The following MAGI3 variants were observed in gnomAD, a reference collection of about 807,000 sequenced individuals.
MAGI3 encodes membrane-associated guanylate kinase, WW and PDZ domain-containing protein 3.
A neutral mutation model predicts 121.8 loss-of-function variants in MAGI3; 43 were observed. The observed-to-expected ratio is 0.35, with a 90% CI of 0.28 to 0.46. The LOEUF (loss-of-function observed/expected upper bound fraction) is 0.46, where lower values mean the gene tolerates loss of function less well. Among genes scored for constraint, MAGI3 ranks in the 20% least tolerant of loss-of-function variants. The pLI is 1.00. For synonymous variants in MAGI3, 553 were observed against 639.3 expected (o/e 0.86, Z 2.04); for missense variants, 1,547 against 1,797.3 (o/e 0.86, Z 2.52).
chr1:113,429,375 G>A (rs138809974), intron 1 of MAGI3, among the ~76,000 whole-genome samples: 16 of 152,368 alleles, frequency 1.1e-4, no homozygotes, highest in Non-Finnish European at 1.9e-4. Context: ...ACGAAAGCAT[G>A]TAGTTATTGA....
chr1:113,406,950 A>G (rs1651715021), intron 1 of MAGI3, among the ~76,000 whole-genome samples: 1 of 152,124 alleles, frequency 6.6e-6, no homozygotes. Context: ...AAAATTTTTT[A>G]CTCAGAGAGA....
At chr1:113,490,563 T>A (rs1371077519) in intron 1 of MAGI3, among the ~76,000 whole-genome samples, 1 of 152,152 alleles carries the variant, frequency 6.6e-6, no homozygotes, top group East Asian at 1.9e-4. Flanking sequence ...AATGCCCCAA[T>A]TAAAAGGCAG....
chr1:113,416,398 T>C (rs1252421954), intron 1 of MAGI3, among the ~76,000 whole-genome samples: 1 of 102,204 alleles, frequency 9.8e-6, no homozygotes, highest in African/African-American at 3.9e-5. Flanking sequence ...ATATTAATTA[T>C]TAATTAATTA....
intron 2 of MAGI3, among the ~76,000 whole-genome samples, chr1:113,562,727 CTAA>C (rs1430360707): frequency 1.2e-4 from 19 of 152,124 alleles, no homozygotes; most frequent in Non-Finnish European, 1.6e-4. Flanking sequence ...GTAAGAATAG[CTAA>C]TGAATGCTGG....
chr1:113,559,030 G>T (rs910694079), intron 2 of MAGI3, among the ~76,000 whole-genome samples: 1 of 152,140 alleles, frequency 6.6e-6, no homozygotes, highest in African/African-American at 2.4e-5. Flanking sequence ...GACCTGCCTT[G>T]CAAAAGCACC....
intron 1 of MAGI3, among the ~76,000 whole-genome samples, chr1:113,419,612 A>G (rs1025576482): frequency 2.0e-5 from 3 of 150,304 alleles, no homozygotes; most frequent in African/African-American, 7.3e-5. Flanking sequence ...GAAAAAAGAA[A>G]GATTGGGAAT....
chr1:113,587,302 T>A (rs2101730297), intron 4 of MAGI3, among the ~76,000 whole-genome samples: 1 of 152,300 alleles, frequency 6.6e-6, no homozygotes. Context: ...CTCACACAAT[T>A]CTCATGTCTC....
At chr1:113,451,901 A>G (rs1654502409) in intron 1 of MAGI3, among the ~76,000 whole-genome samples, 1 of 152,152 alleles carries the variant, frequency 6.6e-6, no homozygotes. Context: ...TCCATTGGCA[A>G]TCACCCAACT....
chr1:113,600,380 G>C (rs1649292535), intron 6 of MAGI3, among the ~76,000 whole-genome samples: 1 of 151,654 alleles, frequency 6.6e-6, no homozygotes, highest in Non-Finnish European at 1.5e-5. Context: ...AAAGTCTCAG[G>C]ATACAAAATC....
chr1:113,416,430 A>G (rs1271683781), intron 1 of MAGI3, among the ~76,000 whole-genome samples: 1 of 128,342 alleles, frequency 7.8e-6, no homozygotes, highest in Non-Finnish European at 1.6e-5. Flanking sequence ...TTAATAATAT[A>G]TATTAATTAT....
chr1:113,516,873 A>G (rs1657934235), intron 1 of MAGI3, among the ~76,000 whole-genome samples: 1 of 152,052 alleles, frequency 6.6e-6, no homozygotes, highest in Non-Finnish European at 1.5e-5. Context: ...ACATGAAGTA[A>G]TAAGAATGGC....
intron 15 of MAGI3, among the ~76,000 whole-genome samples, chr1:113,657,931 T>A (rs1653571478): frequency 6.6e-6 from 1 of 152,206 alleles, no homozygotes; most frequent in African/African-American, 2.4e-5. Flanking sequence ...TAAATCATCA[T>A]CAAGAATAAC....
chr1:113,578,018 A>G (rs557177097), intron 2 of MAGI3, among the ~76,000 whole-genome samples: 128 of 152,206 alleles, frequency 8.4e-4, no homozygotes, highest in African/African-American at 2.9e-3. Flanking sequence ...TTTATTTCTC[A>G]TGATTTCATG....
At chr1:113,532,106 T>G (rs1570810406) in intron 1 of MAGI3, among the ~76,000 whole-genome samples, 1 of 152,182 alleles carries the variant, frequency 6.6e-6, no homozygotes, top group East Asian at 1.9e-4. Context: ...TAAAATCAGT[T>G]AAATTGGTTT....
intron 13 of MAGI3, among the ~76,000 whole-genome samples, chr1:113,650,802 G>C (rs544090006): frequency 2.4e-4 from 37 of 152,278 alleles, no homozygotes; most frequent in African/African-American, 7.5e-4. Flanking sequence ...CAGCCCTGAG[G>C]ATCTATAAGG....
intron 16 of MAGI3, among the ~76,000 whole-genome samples, chr1:113,667,849 AG>A (rs1202927949): frequency 6.6e-6 from 1 of 152,180 alleles, no homozygotes; most frequent in African/African-American, 2.4e-5. Context: ...TGTGCATCTC[AG>A]GGAATAGAGG....
At chr1:113,523,333 T>C (rs2359412) in intron 1 of MAGI3, among the ~76,000 whole-genome samples, 119,894 of 152,166 alleles carry the variant, frequency 0.79, 47,707 homozygotes, top group African/African-American at 0.91. Flanking sequence ...AATGTGGAAG[T>C]GACGTTGGAA....
intron 1 of MAGI3, among the ~76,000 whole-genome samples, chr1:113,503,367 G>A (rs1290427169): frequency 1.5e-5 from 2 of 131,650 alleles, no homozygotes; most frequent in Non-Finnish European, 3.1e-5. Flanking sequence ...CGAGAAAACA[G>A]TGCTAAATTA....
rs1647821057 is a variant in MAGI3, at chr1:113,675,622, A to T, written c.3189+2157A>T. Reference sequence around the variant, plus strand: ...GTGGTAGATAAGATCACTAAGGAAGAATATTTAGAGAGTACTTAGCCAAGG... The same window carrying T: ...GTGGTAGATAAGATCACTAAGGAAGTATATTTAGAGAGTACTTAGCCAAGG... On this transcript the variant is annotated intron_variant, in intron 19 of 20. Coordinates refer to ENST00000307546, the MANE Select transcript of MAGI3 (RefSeq NM_001142782.2). 2.0e-5 allele frequency among the ~76,000 whole-genome samples: 3 copies of T among 152,188 alleles called. No homozygotes were observed. In the South Asian group the frequency reaches 6.2e-4, roughly 32 times the overall value.
Sources: allele counts gnomAD v4.1 joint callset (sites outside exome capture counted in the v4.1 genomes callset), GRCh38; gene constraint gnomAD v4.1.1; transcripts MANE v1.5; gene names NCBI Gene and HGNC (gene_info 2026-07-23, HGNC 2026-07-21).